The following RPRD2 variants were observed in gnomAD, a reference collection of about 807,000 sequenced individuals.
RPRD2 encodes the protein regulation of nuclear pre-mRNA domain-containing protein 2.
Under a neutral mutation model 104.4 loss-of-function variants are expected in RPRD2, and 12 were observed. The observed-to-expected ratio is 0.11, with a 90% CI of 0.07 to 0.19. The LOEUF (loss-of-function observed/expected upper bound fraction) is 0.19, where lower values mean the gene tolerates loss of function less well. Among genes scored for constraint, RPRD2 ranks in the 10% least tolerant of loss-of-function variants. The pLI, the probability that RPRD2 is intolerant of heterozygous loss-of-function variation, is 1.00. For missense variants in RPRD2, 1,543 were observed against 1,790.1 expected, an observed-to-expected ratio of 0.86 and a Z score of 2.49; for synonymous variants, 714 against 684.9, an observed-to-expected ratio of 1.04 and a Z score of -0.66.
intron 1 of RPRD2, among the ~76,000 whole-genome samples, chr1:150,395,228 C>A (rs1662407619): frequency 6.6e-6 from 1 of 152,164 alleles, no homozygotes; most frequent in Non-Finnish European, 1.5e-5. Flanking sequence ...TAGCTTAGCT[C>A]CCACATATGA....
At chr1:150,421,266 T>C (rs1359487886) in intron 2 of RPRD2, among the ~76,000 whole-genome samples, 1 of 152,106 alleles carries the variant, frequency 6.6e-6, no homozygotes. Context: ...AAGATTTATC[T>C]TGCAAGACAA....
Position 150,460,291 on chromosome 1 carries a change from G to A in RPRD2, c.1385G>A (p.Ser462Asn), listed in dbSNP as rs782315821. ...GCAAAGATCAGTTCCATCCTTAGCA[G>A]TTTAACATCAGTCATGAAAAATACT... ...DLAKISSILS[S>N]LTSVMKNTGV... is the part of the protein sequence containing the mutation. The change falls in exon 9 of 11, where the codon AGT (serine) becomes AAT (asparagine). Residue 462 changes from serine to asparagine, a missense_variant. Ser to Asn is a conservative substitution (Grantham distance 46, BLOSUM62 1). This residue lies in a region of RPRD2 where 572 missense variants were observed against 787.3 expected (regional missense o/e 0.73). Coordinates refer to ENST00000369068, the MANE Select transcript of RPRD2 (RefSeq NM_015203.5). The A allele has an allele frequency of 1.9e-5, 30 of 1,612,262 alleles. No homozygotes were observed. Among genetic ancestry groups the A allele is most frequent in the Non-Finnish European group, 2.5e-5 (30 of 1,179,072 alleles).
chr1:150,464,794 T>G, intron 10 of RPRD2, 67 bp downstream of exon 10: 1 of 1,210,554 alleles, frequency 8.3e-7, no homozygotes, highest in Non-Finnish European at 1.2e-6. Flanking sequence ...TAATCCTGGA[T>G]TCCATTTCTG....
intron 2 of RPRD2, among the ~76,000 whole-genome samples, chr1:150,426,571 G>A (rs781847088): frequency 1.3e-5 from 2 of 152,058 alleles, no homozygotes; most frequent in Non-Finnish European, 2.9e-5. Context: ...TAAAAGAAGA[G>A]CAAAATAAGC....
At chr1:150,433,664 T>C (rs1358228244) in intron 2 of RPRD2, among the ~76,000 whole-genome samples, 2 of 148,574 alleles carry the variant, frequency 1.3e-5, no homozygotes, top group Admixed American at 1.3e-4. Context: ...CAGGATGGTC[T>C]CAATCTGCAG....
intron 3 of RPRD2, chr1:150,441,521 A>C (rs1344887636): frequency 4.6e-6 from 1 of 215,270 alleles, no homozygotes; most frequent in Non-Finnish European, 9.2e-6. Context: ...AAGTTATTGA[A>C]CAGAAGTTTG....
chr1:150,441,096 G>A (rs587620737), intron 3 of RPRD2, 73 bp downstream of exon 3: 1 of 727,814 alleles, frequency 1.4e-6, no homozygotes. Context: ...TATAGATCTG[G>A]TCATGTTGTA....
chr1:150,387,468 A>G (rs373766049), intron 1 of RPRD2, among the ~76,000 whole-genome samples: 1 of 149,468 alleles, frequency 6.7e-6, no homozygotes, highest in South Asian at 2.1e-4. Context: ...ACTGGGTTGC[A>G]GGTGAAACTG....
chr1:150,444,318 A>T lies in RPRD2; in HGVS notation c.635A>T (p.Lys212Met), dbSNP rs1452836262. ...RSEDQIELKE[K>M]QLSTMRVDVC... The stretch of plus-strand genomic sequence containing the variant: ...GAAGATCAGATAGAACTGAAGGAAA[A>T]GCAGTTGTCAACTATGAGGGTGGAT... The change falls in exon 6 of 11, where the codon AAG becomes ATG. Residue 212 changes from lysine to methionine, a missense_variant. This residue lies in a region of RPRD2 where 572 missense variants were observed against 787.3 expected (regional missense o/e 0.73). Coordinates refer to ENST00000369068, the MANE Select transcript of RPRD2 (RefSeq NM_015203.5). The T allele has an allele frequency of 1.2e-6, 2 of 1,613,832 alleles. No individual in the cohort carries two copies. Among genetic ancestry groups the T allele is most frequent in the Non-Finnish European group, 1.7e-6 (2 of 1,179,822 alleles).
chr1:150,440,989 A>G lies in RPRD2; in HGVS notation c.402A>G (p.Pro134=). ...FKIWEDRNVY[P]EEMIVALREA... ...TCTGGGAAGATAGAAATGTATACCC[A>G]GAAGAAATGATTGTGGCATTGAGAG... The change falls in exon 3 of 11, where the codon CCA becomes CCG. Residue 134 remains proline (P), a synonymous_variant. Coordinates refer to ENST00000369068, the MANE Select transcript of RPRD2 (RefSeq NM_015203.5). The G allele has an allele frequency of 6.3e-7, 1 of 1,578,670 alleles. No homozygotes were observed. Among genetic ancestry groups the G allele is most frequent in the South Asian group, 1.2e-5 (1 of 85,148 alleles).
At chr1:150,365,882 G>A (rs1572326436) in intron 1 of RPRD2, among the ~76,000 whole-genome samples, 1 of 152,060 alleles carries the variant, frequency 6.6e-6, no homozygotes, top group Non-Finnish European at 1.5e-5. Context: ...TGAGCCCCCC[G>A]TGCCCGGCCC....
chr1:150,390,050 T>A (rs1366535877), intron 1 of RPRD2, among the ~76,000 whole-genome samples: 1 of 152,178 alleles, frequency 6.6e-6, no homozygotes, highest in Non-Finnish European at 1.5e-5. Flanking sequence ...TTTCTCTGAT[T>A]AGGCTTTCAG....
At chr1:150,459,320 C>A (rs938455892) in intron 8 of RPRD2, among the ~76,000 whole-genome samples, 1 of 152,142 alleles carries the variant, frequency 6.6e-6, no homozygotes, top group Non-Finnish European at 1.5e-5. Flanking sequence ...TTGCACCCCC[C>A]AATAGGGCAA....
At chr1:150,468,949 GCC>G (rs59113365) in intron 10 of RPRD2, among the ~76,000 whole-genome samples, 105,735 of 150,628 alleles carry the variant, frequency 0.7, 38,522 homozygotes, top group African/African-American at 0.91. Context: ...AATGAAACAT[GCC>G]GATTTTTTTT....
chr1:150,416,221 A>C (rs1664316671), intron 1 of RPRD2, among the ~76,000 whole-genome samples: 1 of 152,148 alleles, frequency 6.6e-6, no homozygotes, highest in Admixed American at 6.6e-5. Flanking sequence ...CAAGAGTATG[A>C]GGGTTTTAAT....
chr1:150,367,979 T>A (rs782021113), intron 1 of RPRD2, among the ~76,000 whole-genome samples: 36 of 152,132 alleles, frequency 2.4e-4, no homozygotes, highest in Non-Finnish European at 4.9e-4. Flanking sequence ...TCTAAGGTGA[T>A]CTTTCTGTAG....
intron 7 of RPRD2, among the ~76,000 whole-genome samples, chr1:150,450,801 G>A (rs915604695): frequency 6.6e-6 from 1 of 151,552 alleles, no homozygotes; most frequent in African/African-American, 2.4e-5. Context: ...AGTAGAGATG[G>A]GGTTTCGCCA....
At position 150,387,566 on chromosome 1, in the gene RPRD2, C is replaced by CTTTTTTTTTTTTTTTT. The variant is rs1661661325; in HGVS notation, c.205+22647_205+22648insTTTTTTTTTTTTTTTT. Among the ~76,000 whole-genome samples the CTTTTTTTTTTTTTTTT allele has an allele frequency of 2.0e-4, 14 of 70,116 alleles. 4 individuals are homozygous for CTTTTTTTTTTTTTTTT. Among genetic ancestry groups the CTTTTTTTTTTTTTTTT allele is most frequent in the Non-Finnish European group, 2.3e-4 (8 of 34,170 alleles). 46.0% of individuals were successfully genotyped at this position (70,116 alleles called of 152,430 possible). ...TAAATCTTACAGAAGTTGCAACAGA[C>CTTTTTTTTTTTTTTTT]CTTTTTTTTTTTTTTTTTTTTTTTT... On this transcript the variant is annotated intron_variant, in intron 1 of 10. Coordinates refer to ENST00000369068, the MANE Select transcript of RPRD2 (RefSeq NM_015203.5).
intron 1 of RPRD2, among the ~76,000 whole-genome samples, chr1:150,381,478 G>A (rs1365092619): frequency 2.6e-5 from 4 of 150,958 alleles, no homozygotes; most frequent in South Asian, 2.1e-4. Context: ...CAGACCACAC[G>A]TTGAGAACTG....
Sources: gnomAD v4.1 joint callset for allele counts (sites outside exome capture counted in the v4.1 genomes callset) on GRCh38, gnomAD v4.1.1 for gene constraint, gnomAD v4.1.1 regional missense constraint, MANE v1.5 for transcripts, NCBI Gene and HGNC (gene_info 2026-07-23, HGNC 2026-07-21) for gene names.